The following PRC1 variants were observed in gnomAD, a reference collection of about 807,000 sequenced individuals.
PRC1 encodes the protein anaphase spindle elongation 1 homolog.
Under a neutral mutation model 91.2 loss-of-function variants are expected in PRC1, and 54 were observed. The observed-to-expected ratio is 0.59, with a 90% CI of 0.48 to 0.74. PRC1 has a LOEUF of 0.74. Among genes scored for constraint, PRC1 ranks in the 30% least tolerant of loss-of-function variants. The pLI is 0.00. For missense variants in PRC1, 727 were observed against 746.2 expected, an observed-to-expected ratio of 0.97 and a Z score of 0.30; for synonymous variants, 275 against 263.6, an observed-to-expected ratio of 1.04 and a Z score of -0.42.
At position 90,981,022 on chromosome 15, in the gene PRC1, C is replaced by A. The variant is rs1254004609; in HGVS notation, c.684G>T (p.Gln228His). Residue 228 changes from glutamine to histidine, a missense_variant, in exon 6 of 15, where the codon CAG (glutamine) becomes CAT (histidine). Gln to His is a conservative substitution (Grantham distance 24, BLOSUM62 0). Coordinates refer to ENST00000394249, the MANE Select transcript of PRC1 (RefSeq NM_003981.4). ...CACACACTGCTTCATTTTGTGATTT[C>A]TGCATTTCCAGCTACAGCATAGAAA... ...LQKLLRQLEM[Q>H]KSQNEAVCEG... 1 of 1,614,050 alleles carries A rather than the reference C, an allele frequency of 6.2e-7. No homozygotes were observed. The highest frequency in any genetic ancestry group is 8.5e-7 in the Non-Finnish European group (1 of 1,180,028).
At chr15:90,972,330 C>T (rs1005596222) in intron 11 of PRC1, among the ~76,000 whole-genome samples, 1 of 151,730 alleles carries the variant, frequency 6.6e-6, no homozygotes, top group African/African-American at 2.4e-5. Flanking sequence ...CTGCAGTGAG[C>T]CATGATGGCG....
At chr15:90,976,013 A>T (rs1298772301) in intron 9 of PRC1, among the ~76,000 whole-genome samples, 1 of 152,134 alleles carries the variant, frequency 6.6e-6, no homozygotes, top group African/African-American at 2.4e-5. Context: ...TGTTGATCTC[A>T]GATTTACAGC....
At chr15:90,979,021 G>T in intron 8 of PRC1, 137 bp downstream of exon 8, 1 of 1,098,816 alleles carries the variant, frequency 9.1e-7, no homozygotes, top group Non-Finnish European at 1.3e-6. Context: ...TCAAACAGAG[G>T]CGGTCAGCAG....
At chr15:90,993,575 A>G (rs1362264983) in intron 1 of PRC1, among the ~76,000 whole-genome samples, 1 of 152,228 alleles carries the variant, frequency 6.6e-6, no homozygotes, top group Non-Finnish European at 1.5e-5. Flanking sequence ...CACAACTTTT[A>G]GAAAATAAAG....
chr15:90,973,828 C>T (rs973256720), intron 11 of PRC1, among the ~76,000 whole-genome samples: 1 of 151,982 alleles, frequency 6.6e-6, no homozygotes, highest in African/African-American at 2.4e-5. Flanking sequence ...TCCTGCTGAC[C>T]TTCTCCCCAC....
rs1313346548 is a variant in PRC1, at chr15:90,966,361, A to G, written c.*770T>C. 1 of 326,496 alleles carries G rather than the reference A, an allele frequency of 3.1e-6. No homozygotes were observed. The highest frequency in any genetic ancestry group is 4.1e-5 in the Admixed American group (1 of 24,688). The allele number at this position is 326,496 out of a possible 1,614,324, so 20.2% of individuals were successfully genotyped here. ...CTCCACGACAAAGACAGCTCAACCC[A>G]TTGGAACAAACAGACTCCCAATGTG... On this transcript the variant is annotated 3_prime_UTR_variant, in exon 15 of 15. Coordinates refer to ENST00000394249, the MANE Select transcript of PRC1 (RefSeq NM_003981.4).
At chr15:90,969,348 C>T in intron 13 of PRC1, 99 bp downstream of exon 13, 2 of 1,424,058 alleles carry the variant, frequency 1.4e-6, no homozygotes, top group South Asian at 1.3e-5. Context: ...TCCAAGGTAG[C>T]TGCCCTAGCT....
At chr15:90,980,170 G>C (rs558140310) in intron 7 of PRC1, 72 bp downstream of exon 7, 6 of 1,458,944 alleles carry the variant, frequency 4.1e-6, no homozygotes, top group Non-Finnish European at 4.5e-6. Context: ...CTAGGAACTT[G>C]AGACTAGGCT....
chr15:90,967,714 C>CT (rs1488143351), intron 14 of PRC1: 1 of 582,160 alleles, frequency 1.7e-6, no homozygotes, highest in African/African-American at 2.0e-5. Context: ...AGGAAAACGC[C>CT]ATACCATATA....
rs768126239 is a variant in PRC1, at chr15:90,984,185, A to G, written c.145-45T>C. On this transcript the variant is annotated intron_variant, in intron 2 of 14. Coordinates refer to ENST00000394249, the MANE Select transcript of PRC1 (RefSeq NM_003981.4). This position sits in a 1 kb window ranked among gnomAD's most constrained non-coding sequence, Gnocchi z 5.1. ...CCATAAGTTTGGGGCAATGGAGGAAAAAAACTCCCAACACCAATACCAAAC... is the reference window on the plus strand; with the variant it reads ...CCATAAGTTTGGGGCAATGGAGGAAGAAAACTCCCAACACCAATACCAAAC... 9 of 1,602,438 alleles carry G rather than the reference A, an allele frequency of 5.6e-6. No homozygotes were observed. The South Asian group carries it at 8.8e-5, about 16-fold the overall frequency.
At chr15:90,981,318 T>C (rs925555830) in intron 5 of PRC1, 181 bp downstream of exon 5, 1 of 731,420 alleles carries the variant, frequency 1.4e-6, no homozygotes, top group Non-Finnish European at 2.2e-6. Flanking sequence ...TGGAGCCATA[T>C]AAAGGTTTTT....
intron 6 of PRC1, 124 bp downstream of exon 6, chr15:90,980,760 C>T (rs914322399): frequency 3.0e-6 from 4 of 1,337,778 alleles, no homozygotes; most frequent in African/African-American, 2.9e-5. Context: ...CCTGCCTCGG[C>T]CTCCCAAAGT....
chr15:90,981,894 G>A lies in PRC1; in HGVS notation c.355C>T (p.Gln119Ter), dbSNP rs766016922. The A allele has an allele frequency of 6.2e-7, 1 of 1,614,064 alleles. No homozygotes were observed. The highest frequency in any genetic ancestry group is 8.5e-7 in the Non-Finnish European group (1 of 1,180,040). ...TGCTCTTGAAGTAGCTTCAGTTCCT[G>A]TTTTCTCTCCTTTTTCTGTTTTCGC... ...LMRKQKKERK[Q>*]ELKLLQEQDQ... Residue 119 changes from glutamine to a stop codon, truncating the protein, a stop_gained, in exon 4 of 15, where the codon CAG becomes TAG. Transcript: ENST00000394249. LOFTEE classifies it high-confidence loss of function.
chr15:90,982,615 C>T (rs574641920), intron 3 of PRC1: 5 of 152,854 alleles, frequency 3.3e-5, no homozygotes, highest in African/African-American at 9.6e-5. Flanking sequence ...GGCATGGTGG[C>T]GGACACCTGT....
intron 3 of PRC1, among the ~76,000 whole-genome samples, chr15:90,983,284 G>A (rs1031507937): frequency 6.6e-6 from 1 of 152,198 alleles, no homozygotes; most frequent in African/African-American, 2.4e-5. Flanking sequence ...GTAACAGGAA[G>A]AGGGACCTGA....
rs748501400 is a variant in PRC1 at position 90,969,470 on chromosome 15, C to G, written c.1726G>C (p.Ala576Pro). Residue 576 changes from alanine (A) to proline (P), a missense_variant, in exon 13 of 15, where the codon GCC (alanine) becomes CCC (proline). Physicochemically the swap from Ala to Pro is conservative, Grantham distance 27. Transcript: ENST00000394249. ...ACCGCAAACTCAGAATAGGTGCTGG[C>G]AACAGAATTAATGCTGAAGTTGCGC... ...LQRNFSINSV[A>P]STYSEFAKDP... 6.2e-7 allele frequency: 1 copy of G among 1,607,116 alleles called. No homozygotes were observed. The highest frequency in any genetic ancestry group is 8.5e-7 in the Non-Finnish European group (1 of 1,176,350).
chr15:90,973,296 AGCATGT>A (rs2038330058), intron 11 of PRC1, among the ~76,000 whole-genome samples: 2 of 152,276 alleles, frequency 1.3e-5, no homozygotes, highest in South Asian at 4.1e-4. Context: ...AGGGCTGTGC[AGCATGT>A]GCCTTGTTAA....
rs2039805638 is a variant in PRC1, at chr15:90,989,296, G to A, written c.12-4471C>T. Among the ~76,000 whole-genome samples the A allele has an allele frequency of 3.9e-5, 6 of 152,072 alleles. No individual in the cohort carries two copies. In the South Asian group the frequency reaches 1.2e-3, roughly 32 times the overall value. ...ACAGGGCCTCACTGTCACCTGGGCT[G>A]GAGTGCAGTGGTGTGATCATAGCTC... On this transcript the variant is annotated intron_variant, in intron 1 of 14. Coordinates refer to ENST00000394249, the MANE Select transcript of PRC1 (RefSeq NM_003981.4).
At chr15:90,976,580 A>G (rs1263226166) in intron 9 of PRC1, 96 bp downstream of exon 9, 5 of 1,036,500 alleles carry the variant, frequency 4.8e-6, no homozygotes, top group Admixed American at 4.4e-5. Context: ...GCTTTGAAGA[A>G]AATAGTTTTG....
Sources: gnomAD v4.1 joint callset for allele counts (sites outside exome capture counted in the v4.1 genomes callset) on GRCh38, gnomAD v4.1.1 for gene constraint, Gnocchi (gnomAD v3.1) non-coding constraint, MANE v1.5 for transcripts, NCBI Gene and HGNC (gene_info 2026-07-23, HGNC 2026-07-21) for gene names.